The following ELOC variants were observed in gnomAD, a reference collection of about 807,000 sequenced individuals.
ELOC encodes elongin C.
For missense variants in ELOC, 38 were observed against 139.0 expected (o/e 0.27, Z 3.65); for synonymous variants, 40 against 51.3 (o/e 0.78, Z 0.94).
chr8:73,954,806 T>C (rs951263723), intron 3 of ELOC, among the ~76,000 whole-genome samples: 1 of 150,366 alleles, frequency 6.7e-6, no homozygotes, highest in South Asian at 2.1e-4. Flanking sequence ...CTGAGGCGGG[T>C]GCACTGCCTG....
At chr8:73,959,883 T>G in intron 1 of ELOC, 65 bp from the exon 2 acceptor site, 1 of 821,502 alleles carries the variant, frequency 1.2e-6, no homozygotes, top group South Asian at 2.4e-5. Flanking sequence ...TTCACTGTTA[T>G]TTAATGTCCT....
intron 3 of ELOC, 27 bp downstream of exon 3, chr8:73,955,884 T>C (rs767772495): frequency 1.9e-6 from 3 of 1,573,334 alleles, no homozygotes; most frequent in Non-Finnish European, 2.6e-6. Flanking sequence ...AGTGAATATA[T>C]GAAGAAAAAG....
At chr8:73,947,966 G>T (rs1813493078) in intron 3 of ELOC, among the ~76,000 whole-genome samples, 1 of 152,058 alleles carries the variant, frequency 6.6e-6, no homozygotes, top group African/African-American at 2.4e-5. Flanking sequence ...GGCTGAGGTG[G>T]GCGATCATTT....
chr8:73,955,628 CA>C (rs1443884056), intron 3 of ELOC: 1 of 291,480 alleles, frequency 3.4e-6, no homozygotes, highest in African/African-American at 2.3e-5. Flanking sequence ...AAAAATTAGC[CA>C]GGGGTGGTGG....
At chr8:73,948,668 T>C (rs1015986094) in intron 3 of ELOC, among the ~76,000 whole-genome samples, 4 of 152,174 alleles carry the variant, frequency 2.6e-5, no homozygotes, top group African/African-American at 7.2e-5. Context: ...GGGCTGAGCA[T>C]GGTGGCTCAT....
chr8:73,965,592 T>C (rs1455672062), intron 1 of ELOC, among the ~76,000 whole-genome samples: 2 of 152,200 alleles, frequency 1.3e-5, no homozygotes, highest in Non-Finnish European at 2.9e-5. Context: ...TGGTGACAGC[T>C]CAGCAGGTGA....
chr8:73,965,299 G>C (rs1348585721), intron 1 of ELOC, among the ~76,000 whole-genome samples: 1 of 152,100 alleles, frequency 6.6e-6, no homozygotes, highest in Non-Finnish European at 1.5e-5. Context: ...ATACAGCCAC[G>C]AGTATAGCTA....
intron 3 of ELOC, among the ~76,000 whole-genome samples, chr8:73,953,623 G>A (rs1392531216): frequency 2.6e-5 from 4 of 151,710 alleles, no homozygotes; most frequent in African/African-American, 9.7e-5. Context: ...CTGCACCATT[G>A]CACTGCAGCC....
At chr8:73,965,871 G>T (rs1814939673) in intron 1 of ELOC, among the ~76,000 whole-genome samples, 1 of 152,100 alleles carries the variant, frequency 6.6e-6, no homozygotes, top group African/African-American at 2.4e-5. Context: ...ATAAGAGTTG[G>T]TCGTCCCAAA....
At chr8:73,958,419 A>G (rs1814354622) in intron 2 of ELOC, among the ~76,000 whole-genome samples, 1 of 152,178 alleles carries the variant, frequency 6.6e-6, no homozygotes, top group Non-Finnish European at 1.5e-5. Flanking sequence ...ACTAGAATGG[A>G]GTTTTGCCAA....
At chr8:73,961,212 T>C (rs1055127533) in intron 1 of ELOC, among the ~76,000 whole-genome samples, 4 of 152,240 alleles carry the variant, frequency 2.6e-5, no homozygotes, top group Non-Finnish European at 5.9e-5. Flanking sequence ...ATCTCATTTA[T>C]ACTGATACTC....
At chr8:73,963,087 G>A (rs1814715135) in intron 1 of ELOC, among the ~76,000 whole-genome samples, 2 of 152,196 alleles carry the variant, frequency 1.3e-5, no homozygotes, top group African/African-American at 4.8e-5. Context: ...AGAAGAAAGA[G>A]CATGAACAAT....
chr8:73,963,890 C>T (rs1019088849), intron 1 of ELOC, among the ~76,000 whole-genome samples: 5 of 151,988 alleles, frequency 3.3e-5, no homozygotes, highest in African/African-American at 1.2e-4. Flanking sequence ...GTCAGGAGTT[C>T]GAGACTAGCC....
chr8:73,963,227 T>C (rs751053865), intron 1 of ELOC, among the ~76,000 whole-genome samples: 18 of 152,190 alleles, frequency 1.2e-4, no homozygotes, highest in Non-Finnish European at 2.2e-4. Flanking sequence ...TACACTGAAA[T>C]TAAGTGTTGA....
At chr8:73,971,990 A>G (rs1009514654) in intron 1 of ELOC, 87 bp downstream of exon 1, 2 of 152,274 alleles carry the variant, frequency 1.3e-5, no homozygotes, top group African/African-American at 4.8e-5. Flanking sequence ...AGGGGTGGGA[A>G]GTGGGATTGC....
intron 1 of ELOC, among the ~76,000 whole-genome samples, chr8:73,967,850 C>T (rs189426700): frequency 2.6e-5 from 4 of 152,284 alleles, no homozygotes; most frequent in Non-Finnish European, 4.4e-5. Context: ...TCTTAGCTTG[C>T]GGGTAGTATA....
At chr8:73,963,024 G>C (rs1024032163) in intron 1 of ELOC, among the ~76,000 whole-genome samples, 1 of 152,118 alleles carries the variant, frequency 6.6e-6, no homozygotes, top group Non-Finnish European at 1.5e-5. Context: ...ATATGAATTG[G>C]GCAGGTAAAA....
At chr8:73,954,985 G>C (rs1814054465) in intron 3 of ELOC, among the ~76,000 whole-genome samples, 1 of 131,658 alleles carries the variant, frequency 7.6e-6, no homozygotes, top group African/African-American at 2.9e-5. Context: ...AGTGAGCCGA[G>C]ATGGCACCAT....
chr8:73,968,698 A>C (rs1019577642), intron 1 of ELOC, among the ~76,000 whole-genome samples: 1 of 152,158 alleles, frequency 6.6e-6, no homozygotes, highest in African/African-American at 2.4e-5. Flanking sequence ...CTTTCCACTT[A>C]AGCAATGATT....
Sources: allele counts gnomAD v4.1 joint callset (sites outside exome capture counted in the v4.1 genomes callset), GRCh38; gene constraint gnomAD v4.1.1; transcripts MANE v1.5; gene names NCBI Gene and HGNC (gene_info 2026-07-23, HGNC 2026-07-21).